Variants in ESRRG observed in about 807,000 individuals in gnomAD.
ESRRG encodes the protein estrogen related receptor gamma.
Under a neutral mutation model 44.0 loss-of-function variants are expected in ESRRG, and 13 were observed. That is an observed-to-expected ratio of 0.30 (90% CI 0.19 to 0.47). The LOEUF is 0.47. Among genes scored for constraint, ESRRG ranks in the 20% least tolerant of loss-of-function variants. ESRRG has a pLI of 1.00. For synonymous variants in ESRRG, 215 were observed against 214.6 expected, an observed-to-expected ratio of 1.00 and a Z score of -0.02; for missense variants, 395 against 580.6, an observed-to-expected ratio of 0.68 and a Z score of 3.29.
chr1:217,037,478 G>T (rs575175945), intron 1 of ESRRG, among the ~76,000 whole-genome samples: 1 of 152,056 alleles, frequency 6.6e-6, no homozygotes, highest in East Asian at 1.9e-4. Context: ...CCCACTCGCC[G>T]TCAGAAGAAC....
chr1:216,841,977 AAG>A (rs59313507), intron 2 of ESRRG, among the ~76,000 whole-genome samples: 23,176 of 152,120 alleles, frequency 0.15, 1,937 homozygotes, highest in African/African-American at 0.21. Context: ...AGGCTAAATT[AAG>A]TAACCCTCTA....
intron 2 of ESRRG, among the ~76,000 whole-genome samples, chr1:216,903,214 T>G (rs532575997): frequency 6.6e-6 from 1 of 152,298 alleles, no homozygotes; most frequent in Non-Finnish European, 1.5e-5. Context: ...TGCTACATAA[T>G]GCTGCACTGC....
intron 3 of ESRRG, among the ~76,000 whole-genome samples, chr1:216,615,627 AC>A (rs988421466): frequency 1.3e-5 from 2 of 151,760 alleles, no homozygotes; most frequent in Non-Finnish European, 2.9e-5. Flanking sequence ...ACCATCATAG[AC>A]CTTTTTATCC....
rs2059349566 is a variant in ESRRG at position 216,903,624 on chromosome 1, C to T, written c.-14+35958G>A. Among the ~76,000 whole-genome samples the T allele has an allele frequency of 2.0e-5, 3 of 151,632 alleles. No individual in the cohort carries two copies. The South Asian group carries it at 6.2e-4, about 32-fold the overall frequency. On this transcript the variant is annotated intron_variant, in intron 2 of 7. Transcript: ENST00000359162. ...CAGCTGGTCCCTGCTGGCCTATATA[C>T]TCAGGGGATAGACTGAATCTCATTT...
chr1:217,094,235 GC>G (rs779737814), upstream of ESRRG, among the ~76,000 whole-genome samples: 10 of 152,238 alleles, frequency 6.6e-5, no homozygotes, highest in Non-Finnish European at 1.3e-4. Context: ...TACCATATCA[GC>G]CAAAATGTTA....
At chr1:216,613,074 T>C (rs1166916296) in intron 3 of ESRRG, among the ~76,000 whole-genome samples, 1 of 152,212 alleles carries the variant, frequency 6.6e-6, no homozygotes, top group African/African-American at 2.4e-5. Context: ...GGGGGAATTT[T>C]TGTTTGGTTT....
chr1:217,056,863 G>C (rs2087214782), intron 1 of ESRRG, among the ~76,000 whole-genome samples: 1 of 151,974 alleles, frequency 6.6e-6, no homozygotes, highest in Non-Finnish European at 1.5e-5. Context: ...TGGGTGGGAA[G>C]AAGAAGGAAA....
intron 2 of ESRRG, among the ~76,000 whole-genome samples, chr1:216,759,150 G>A (rs918167114): frequency 1.3e-5 from 2 of 152,086 alleles, no homozygotes; most frequent in Admixed American, 6.6e-5. Context: ...TCCTGGGAGA[G>A]TTCTAATTTG....
chr1:217,039,078 A>G (rs761989675), intron 1 of ESRRG, among the ~76,000 whole-genome samples: 2 of 152,222 alleles, frequency 1.3e-5, no homozygotes, highest in Non-Finnish European at 2.9e-5. Context: ...TCCAGTTCGC[A>G]TTGAGTTCCT....
At chr1:216,884,555 A>G (rs1414330878) in intron 2 of ESRRG, among the ~76,000 whole-genome samples, 1 of 152,218 alleles carries the variant, frequency 6.6e-6, no homozygotes, top group Admixed American at 6.5e-5. Context: ...GGCTTGTCAG[A>G]GGCCTTCAAA....
chr1:216,633,148 C>A (rs930324113), intron 3 of ESRRG, among the ~76,000 whole-genome samples: 1 of 152,168 alleles, frequency 6.6e-6, no homozygotes, highest in African/African-American at 2.4e-5. Flanking sequence ...GAATGCAAAC[C>A]ATTTGCAGCA....
At chr1:217,005,821 T>C (rs2077672024) in intron 1 of ESRRG, among the ~76,000 whole-genome samples, 1 of 152,104 alleles carries the variant, frequency 6.6e-6, no homozygotes, top group Non-Finnish European at 1.5e-5. Context: ...AAGTAGCCTA[T>C]ACAAATTTAT....
At chr1:216,651,830 A>T (rs1168197371) in intron 2 of ESRRG, among the ~76,000 whole-genome samples, 28 of 152,186 alleles carry the variant, frequency 1.8e-4, no homozygotes, top group Non-Finnish European at 1.5e-5. Context: ...TTAAGATTAG[A>T]CTTTGTATCA....
At chr1:216,711,175 A>G (rs989229677) in intron 1 of ESRRG, among the ~76,000 whole-genome samples, 1 of 152,114 alleles carries the variant, frequency 6.6e-6, no homozygotes, top group Non-Finnish European at 1.5e-5. Flanking sequence ...TGGGCAAGGA[A>G]AGCTCCTATT....
chr1:216,589,723 G>C (rs1304996138), intron 3 of ESRRG, among the ~76,000 whole-genome samples: 2 of 151,862 alleles, frequency 1.3e-5, no homozygotes, highest in African/African-American at 2.4e-5. Context: ...GGCCAACATG[G>C]TGAAACCCCA....
At chr1:217,026,892 C>CAT (rs1216814820) in intron 1 of ESRRG, among the ~76,000 whole-genome samples, 1 of 85,570 alleles carries the variant, frequency 1.2e-5, no homozygotes, top group Non-Finnish European at 2.5e-5. Flanking sequence ...CACACATACA[C>CAT]ACACACACAC....
intron 2 of ESRRG, among the ~76,000 whole-genome samples, chr1:216,939,187 C>G (rs11572489): frequency 0.12 from 18,711 of 151,634 alleles, 1,571 homozygotes; most frequent in Admixed American, 0.19. Flanking sequence ...CATCGAAAGA[C>G]AAGAATTAAG....
intron 1 of ESRRG, among the ~76,000 whole-genome samples, chr1:217,106,902 C>T (rs527422630): frequency 2.0e-5 from 3 of 152,274 alleles, no homozygotes; most frequent in East Asian, 1.9e-4. Flanking sequence ...CCAAGCTCTG[C>T]GTGTCCATGA....
chr1:217,025,653 T>C (rs2081068225), intron 1 of ESRRG, among the ~76,000 whole-genome samples: 1 of 152,206 alleles, frequency 6.6e-6, no homozygotes, highest in Non-Finnish European at 1.5e-5. Flanking sequence ...TGGCCCCTTG[T>C]CTTTGGCCAA....
Sources: allele counts gnomAD v4.1 joint callset (sites outside exome capture counted in the v4.1 genomes callset), GRCh38; gene constraint gnomAD v4.1.1; transcripts MANE v1.5; gene names NCBI Gene and HGNC (gene_info 2026-07-23, HGNC 2026-07-21).